The following SLC9B2 variants were observed in gnomAD, a reference collection of about 807,000 sequenced individuals.
The protein encoded by SLC9B2 is sodium/hydrogen exchanger 9B2.
SLC9B2 carries 39 observed loss-of-function variants against 52.2 expected under a neutral mutation model. That is an observed-to-expected ratio of 0.75 (90% CI 0.58 to 0.98). The LOEUF (loss-of-function observed/expected upper bound fraction) is 0.98. SLC9B2 is among the 50% of genes least tolerant of loss of function. SLC9B2 has a pLI of 0.00. For missense variants in SLC9B2, 626 were observed against 637.5 expected (o/e 0.98, Z 0.19); for synonymous variants, 214 against 227.0 (o/e 0.94, Z 0.51).
At chr4:103,021,788 C>T (rs1435016626), downstream of SLC9B2, among the ~76,000 whole-genome samples, 2 of 152,232 alleles carry the variant, frequency 1.3e-5, no homozygotes, top group Non-Finnish European at 2.9e-5. Flanking sequence ...CTTCATCAAT[C>T]TCAAGTGCCA....
In SLC9B2 at chr4:103,031,685, T is replaced by C. The variant is rs1355988670; in HGVS notation, c.1255+15A>G. 1 of 1,600,776 alleles carries C rather than the reference T, an allele frequency of 6.2e-7. No individual in the cohort carries two copies. Among genetic ancestry groups the C allele is most frequent in the Non-Finnish European group, 8.5e-7 (1 of 1,171,706 alleles). On this transcript the variant is annotated intron_variant, in intron 10 of 11. Transcript: ENST00000394785. ...AAAAGTGAATTTTAACAAAAGCACA[T>C]TTTGAAATTCTTACCTACAGTTTCT...
At chr4:103,035,770 T>C (rs1240201000) in intron 9 of SLC9B2, among the ~76,000 whole-genome samples, 1 of 152,190 alleles carries the variant, frequency 6.6e-6, no homozygotes, top group Non-Finnish European at 1.5e-5. Context: ...ATTCCATTAC[T>C]GGTTATATAC....
At chr4:103,018,220 A>G (rs1242919200), downstream of SLC9B2, among the ~76,000 whole-genome samples, 3 of 152,198 alleles carry the variant, frequency 2.0e-5, no homozygotes, top group Non-Finnish European at 2.9e-5. Flanking sequence ...TGTTACAACT[A>G]TAGCACCCAC....
chr4:103,068,601 C>T (rs1168244188), intron 1 of SLC9B2, among the ~76,000 whole-genome samples: 1 of 152,210 alleles, frequency 6.6e-6, no homozygotes, highest in Non-Finnish European at 1.5e-5. Context: ...CTTCCAGTTG[C>T]TCCATCAGCC....
At chr4:103,058,025 T>C (rs181514081) in intron 3 of SLC9B2, 54 bp from the exon 4 acceptor site, 3 of 1,457,368 alleles carry the variant, frequency 2.1e-6, no homozygotes, top group South Asian at 2.5e-5. Context: ...CATGGAGGTT[T>C]TGACAAAATC....
intron 11 of SLC9B2, among the ~76,000 whole-genome samples, chr4:103,028,311 G>A (rs1283404766): frequency 1.3e-5 from 2 of 152,026 alleles, no homozygotes; most frequent in African/African-American, 4.8e-5. Flanking sequence ...AAAGACTCTG[G>A]TCAAGCTCAA....
chr4:103,053,187 C>A (rs1342738258), intron 4 of SLC9B2, among the ~76,000 whole-genome samples: 2 of 151,964 alleles, frequency 1.3e-5, no homozygotes, highest in Non-Finnish European at 2.9e-5. Context: ...TTTTCAAATT[C>A]ATTTCAGGAA....
intron 9 of SLC9B2, among the ~76,000 whole-genome samples, chr4:103,037,764 A>G (rs780487010): frequency 2.6e-5 from 4 of 152,182 alleles, no homozygotes; most frequent in Non-Finnish European, 4.4e-5. Context: ...TGTAATGGCT[A>G]GTTCTGCCAA....
chr4:103,039,924 G>GT (rs1743495310), intron 9 of SLC9B2, among the ~76,000 whole-genome samples: 1 of 151,978 alleles, frequency 6.6e-6, no homozygotes, highest in Admixed American at 6.6e-5. Flanking sequence ...GGGATTACAG[G>GT]TGTGAGCCAC....
chr4:103,033,098 T>C (rs1385710114), intron 9 of SLC9B2, among the ~76,000 whole-genome samples: 1 of 152,134 alleles, frequency 6.6e-6, no homozygotes, highest in Non-Finnish European at 1.5e-5. Context: ...AGAACTAACT[T>C]TGTAACACAT....
At chr4:103,052,454 T>A (rs1238240952) in intron 4 of SLC9B2, among the ~76,000 whole-genome samples, 1 of 152,220 alleles carries the variant, frequency 6.6e-6, no homozygotes, top group East Asian at 1.9e-4. Context: ...ATATTATAAT[T>A]TCAAGCAGTG....
chr4:103,050,960 G>C (rs909060967), intron 4 of SLC9B2, among the ~76,000 whole-genome samples: 2 of 152,138 alleles, frequency 1.3e-5, no homozygotes, highest in African/African-American at 4.8e-5. Context: ...ACTAGAGTAT[G>C]TATCACACAT....
At chr4:103,052,992 C>T (rs1028916226) in intron 4 of SLC9B2, among the ~76,000 whole-genome samples, 29 of 152,206 alleles carry the variant, frequency 1.9e-4, no homozygotes, top group Non-Finnish European at 1.9e-4. Flanking sequence ...TCTAGGGCCT[C>T]CCCTGGTCAT....
rs759378818 is a variant in SLC9B2, at chr4:103,026,364, T to G, written c.*6A>C. 5 of 1,600,798 alleles carry G rather than the reference T, an allele frequency of 3.1e-6. No individual in the cohort carries two copies. The Admixed American group carries it at 8.6e-5, about 27-fold the overall frequency. On this transcript the variant is annotated 3_prime_UTR_variant, in exon 12 of 12. Coordinates refer to ENST00000394785, the MANE Select transcript of SLC9B2 (RefSeq NM_178833.7). ...ACATTATGTTCAGCACTCTCTCTTT[T>G]CACCTCTAAACTTGCACAGAAGTCT... is the stretch of plus-strand genomic sequence containing the variant.
rs570091999 is a variant in SLC9B2, at chr4:103,027,770, G to C, written c.1392+977C>G. On this transcript the variant is annotated intron_variant, in intron 11 of 11. Transcript: ENST00000394785. Reference sequence around the variant, plus strand: ...CAGAGACCTTTTTATAGAACTCTTAGCCATTATGTTTTAGACATTTTTGAA... The same window carrying C: ...CAGAGACCTTTTTATAGAACTCTTACCCATTATGTTTTAGACATTTTTGAA... 2.0e-5 allele frequency among the ~76,000 whole-genome samples: 3 copies of C among 152,194 alleles called. No homozygotes were observed. The East Asian group carries it at 5.8e-4, about 29-fold the overall frequency.
chr4:103,066,386 C>G lies in SLC9B2; in HGVS notation c.212G>C (p.Arg71Thr), dbSNP rs748151631. The change falls in exon 3 of 12, where the codon AGA becomes ACA. Residue 71 changes from arginine (R) to threonine (T), a missense_variant. Arg to Thr is a moderately conservative substitution (Grantham distance 71, BLOSUM62 -1). Transcript: ENST00000394785. The stretch of plus-strand genomic sequence containing the variant: ...AGGGCAAGCCAGCATTTGTCTCAGT[C>G]TTTGTACGTGATTTGCTTCAGTTGG... ...ETPTEANHVQ[R>T]LRQMLACPPH... 1.1e-5 allele frequency: 18 copies of G among 1,613,964 alleles called. No homozygotes were observed. The African/African-American group carries it at 2.1e-4, about 19-fold the overall frequency.
In SLC9B2 at chr4:103,025,467, G is replaced by A. The variant is rs1292945057; in HGVS notation, c.*903C>T. 6.6e-6 allele frequency: 1 copy of A among 152,142 alleles called. No individual in the cohort carries two copies. Among genetic ancestry groups the A allele is most frequent in the Non-Finnish European group, 1.5e-5 (1 of 68,020 alleles). 9.4% of individuals were successfully genotyped at this position (152,142 alleles called of 1,614,324 possible). A position where few individuals can be genotyped will look rare whatever the true frequency, so the allele number is the denominator to read the frequency against. ...CAGACCTCATAAGCAGAGTAACCCT[G>A]TTGGTATTAACGAACCAGCCAGTTT... On this transcript the variant is annotated 3_prime_UTR_variant, in exon 12 of 12. Coordinates refer to ENST00000394785, the MANE Select transcript of SLC9B2 (RefSeq NM_178833.7).
rs773963329 is a variant in SLC9B2, at chr4:103,047,213, C to T, written c.727G>A (p.Ala243Thr). The T allele has an allele frequency of 1.2e-6, 2 of 1,612,360 alleles. No homozygotes were observed. The highest frequency in any genetic ancestry group is 1.7e-6 in the Non-Finnish European group (2 of 1,179,142). The change falls in exon 7 of 12, where the codon GCT becomes ACT. Residue 243 changes from alanine to threonine, a missense_variant. Transcript: ENST00000394785. ...GGCACCACAACAGCTGGAGATACAG[C>T]ACCTAAAACAAAACTAGGCAGACAG... is the stretch of plus-strand genomic sequence containing the variant. The part of the protein sequence containing the change: ...WGFILGFVLG[A>T]VSPAVVVPSM...
chr4:103,039,412 G>C (rs1249294096), intron 9 of SLC9B2, among the ~76,000 whole-genome samples: 1 of 152,140 alleles, frequency 6.6e-6, no homozygotes, highest in Non-Finnish European at 1.5e-5. Context: ...AGTAAAAGCT[G>C]TAGTGTTGAG....
Sources: allele counts gnomAD v4.1 joint callset (sites outside exome capture counted in the v4.1 genomes callset), GRCh38; gene constraint gnomAD v4.1.1; transcripts MANE v1.5; gene names NCBI Gene and HGNC (gene_info 2026-07-23, HGNC 2026-07-21).